Variants in RBFOX1 observed in about 807,000 individuals in gnomAD.
The protein encoded by RBFOX1 is RNA binding protein fox-1 homolog 1.
In RBFOX1, 8 loss-of-function variants were observed where a neutral mutation model predicts 57.7. The observed-to-expected ratio is 0.14, with a 90% confidence interval of 0.08 to 0.25. The LOEUF (loss-of-function observed/expected upper bound fraction) is 0.25. RBFOX1 is among the 10% of genes least tolerant of loss of function. The pLI, the probability that RBFOX1 is intolerant of heterozygous loss-of-function variation, is 1.00. For missense variants in RBFOX1, 611 were observed against 548.5 expected (o/e 1.11, Z -1.14); for synonymous variants, 326 against 222.4 (o/e 1.47, Z -4.15).
rs57212790 is a variant in RBFOX1, at chr16:7,684,268, A to G, written c.995+7430A>G. ...ATGCTTGGTTCCTGTGGAATTAGGC[A>G]CTTCTCAAAAACTATGATGAATTTC... On this transcript the variant is annotated intron_variant, in intron 14 of 15. Transcript: ENST00000550418. Among the ~76,000 whole-genome samples the G allele has an allele frequency of 3.0e-4, 45 of 152,210 alleles. No individual in the cohort carries two copies. In the East Asian group the frequency reaches 7.2e-3, roughly 24 times the overall value.
chr16:6,819,341 A>G (rs2090802397), intron 3 of RBFOX1, among the ~76,000 whole-genome samples: 1 of 152,170 alleles, frequency 6.6e-6, no homozygotes. Context: ...TGAATAAATA[A>G]TATTGGTCTA....
intron 11 of RBFOX1, among the ~76,000 whole-genome samples, chr16:7,637,658 T>C (rs2061994843): frequency 6.6e-6 from 1 of 152,188 alleles, no homozygotes; most frequent in Admixed American, 6.5e-5. Flanking sequence ...CAGGTCATTT[T>C]GTTACTGACA....
intron 1 of RBFOX1, among the ~76,000 whole-genome samples, chr16:6,083,841 C>G (rs930466873): frequency 6.6e-6 from 1 of 152,116 alleles, no homozygotes; most frequent in African/African-American, 2.4e-5. Flanking sequence ...CCCATCTTCT[C>G]TAACCCCGGG....
At chr16:6,599,826 G>T (rs1183640154) in intron 2 of RBFOX1, among the ~76,000 whole-genome samples, 1 of 150,816 alleles carries the variant, frequency 6.6e-6, no homozygotes, top group Admixed American at 6.5e-5. Flanking sequence ...AGAGCACTTA[G>T]CTTAGAGAGC....
chr16:5,868,203 A>T (rs2151898238), intron 4 of RBFOX1, among the ~76,000 whole-genome samples: 1 of 152,184 alleles, frequency 6.6e-6, no homozygotes, highest in East Asian at 1.9e-4. Context: ...GGTCACTCTC[A>T]CTCCTGAGCC....
intron 1 of RBFOX1, among the ~76,000 whole-genome samples, chr16:6,122,206 CT>C (rs1399525707): frequency 6.6e-6 from 1 of 152,020 alleles, no homozygotes; most frequent in African/African-American, 2.4e-5. Context: ...GTGCCTGGCC[CT>C]TTTTGTTATT....
intron 3 of RBFOX1, among the ~76,000 whole-genome samples, chr16:5,770,147 G>T (rs529625097): frequency 6.6e-6 from 1 of 152,226 alleles, no homozygotes; most frequent in South Asian, 2.1e-4. Flanking sequence ...GAAGTGATGA[G>T]CTATGCTTAA....
intron 9 of RBFOX1, among the ~76,000 whole-genome samples, chr16:7,598,868 T>C (rs905033567): frequency 6.6e-6 from 1 of 152,252 alleles, no homozygotes; most frequent in African/African-American, 2.4e-5. Context: ...ACTGATTGTT[T>C]ATCACAATAA....
At chr16:6,857,109 C>G (rs1157903172) in intron 3 of RBFOX1, among the ~76,000 whole-genome samples, 1 of 152,192 alleles carries the variant, frequency 6.6e-6, no homozygotes, top group African/African-American at 2.4e-5. Context: ...TTCAAAAACC[C>G]TGACACAAAT....
chr16:5,685,312 C>T (rs542339439), intron 3 of RBFOX1, among the ~76,000 whole-genome samples: 59 of 152,184 alleles, frequency 3.9e-4, no homozygotes, highest in Non-Finnish European at 7.3e-4. Context: ...ACCTCTCCCA[C>T]CTGGACCTCA....
intron 3 of RBFOX1, among the ~76,000 whole-genome samples, chr16:5,681,167 G>A (rs577759813): frequency 7.2e-4 from 109 of 151,418 alleles, no homozygotes; most frequent in Admixed American, 2.0e-3. Context: ...TCCACCTCCT[G>A]GGTTCATGCC....
chr16:7,492,207 C>T (rs548004406), intron 4 of RBFOX1, among the ~76,000 whole-genome samples: 2 of 152,130 alleles, frequency 1.3e-5, no homozygotes, highest in African/African-American at 4.8e-5. Flanking sequence ...AAATTCAGTT[C>T]TTTAAGATTC....
At chr16:6,665,598 C>G (rs1603263024) in intron 3 of RBFOX1, among the ~76,000 whole-genome samples, 2 of 147,532 alleles carry the variant, frequency 1.4e-5, no homozygotes, top group African/African-American at 5.1e-5. Flanking sequence ...ACATTCCAGT[C>G]TGGGTAACAA....
chr16:5,783,734 G>T (rs1370801108), intron 3 of RBFOX1, among the ~76,000 whole-genome samples: 9 of 152,148 alleles, frequency 5.9e-5, no homozygotes, highest in African/African-American at 2.2e-4. Flanking sequence ...GCCTGCTGAT[G>T]TGCCAAAACT....
intron 3 of RBFOX1, among the ~76,000 whole-genome samples, chr16:5,830,996 C>T (rs1597414594): frequency 6.6e-6 from 1 of 152,140 alleles, no homozygotes; most frequent in African/African-American, 2.4e-5. Flanking sequence ...TTTGCGTAGC[C>T]CTTGTTGTCA....
intron 4 of RBFOX1, among the ~76,000 whole-genome samples, chr16:7,213,629 A>G (rs2091542164): frequency 6.6e-6 from 1 of 152,106 alleles, no homozygotes; most frequent in Non-Finnish European, 1.5e-5. Flanking sequence ...TGTGCCTGGA[A>G]CTGAAGTGGA....
chr16:6,898,374 G>A (rs1188642637), intron 3 of RBFOX1, among the ~76,000 whole-genome samples: 1 of 152,154 alleles, frequency 6.6e-6, no homozygotes, highest in Non-Finnish European at 1.5e-5. Context: ...GCTAAAGAAT[G>A]TGGAGGGTAT....
intron 3 of RBFOX1, among the ~76,000 whole-genome samples, chr16:5,815,251 C>G (rs2055591122): frequency 1.3e-5 from 2 of 149,978 alleles, no homozygotes; most frequent in South Asian, 4.2e-4. Flanking sequence ...GTCTCAGCCT[C>G]CCAAAGTGCT....
chr16:6,864,448 T>A (rs1183180856), intron 3 of RBFOX1, among the ~76,000 whole-genome samples: 2 of 152,038 alleles, frequency 1.3e-5, no homozygotes, highest in African/African-American at 4.8e-5. Flanking sequence ...AGAAATGACA[T>A]CATCATGCCC....
Sources: gnomAD v4.1 joint callset for allele counts (sites outside exome capture counted in the v4.1 genomes callset) on GRCh38, gnomAD v4.1.1 for gene constraint, MANE v1.5 for transcripts, NCBI Gene and HGNC (gene_info 2026-07-23, HGNC 2026-07-21) for gene names.